The following NSUN2 variants were observed in gnomAD, a reference collection of about 807,000 sequenced individuals.
NSUN2 encodes the protein RNA cytosine C(5)-methyltransferase NSUN2.
A neutral mutation model predicts 92.7 loss-of-function variants in NSUN2; 63 were observed. That is an observed-to-expected ratio of 0.68 (90% CI 0.56 to 0.84). NSUN2 has a LOEUF of 0.84. NSUN2 is among the 40% of genes least tolerant of loss of function. The probability of loss-of-function intolerance (pLI) is 0.00; values close to 1 mark genes in which losing one functional copy is unlikely to be tolerated. For synonymous variants in NSUN2, 356 were observed against 348.3 expected (o/e 1.02, Z -0.25); for missense variants, 989 against 964.9 (o/e 1.02, Z -0.33).
chr5:6,621,958 T>G (rs537869618), intron 6 of NSUN2, 58 bp downstream of exon 6: 9 of 1,430,962 alleles, frequency 6.3e-6, no homozygotes, highest in Non-Finnish European at 8.9e-6. Flanking sequence ...GTCTTTTCCT[T>G]GTCTACAATC....
chr5:6,603,711 A>G (rs371119259), intron 17 of NSUN2, among the ~76,000 whole-genome samples: 1 of 152,112 alleles, frequency 6.6e-6, no homozygotes, highest in South Asian at 2.1e-4. Context: ...AGAAAAAAAC[A>G]AATTTGCTCA....
At chr5:6,607,803 T>C (rs720846) in intron 12 of NSUN2, among the ~76,000 whole-genome samples, 102,821 of 152,024 alleles carry the variant, frequency 0.68, 34,917 homozygotes, top group Middle Eastern at 0.74. Flanking sequence ...AAGGAGGGTA[T>C]GAATTGTTCT....
intron 3 of NSUN2, among the ~76,000 whole-genome samples, chr5:6,630,542 A>G (rs1737836505): frequency 6.6e-6 from 1 of 152,172 alleles, no homozygotes; most frequent in Admixed American, 6.5e-5. Flanking sequence ...CCAGCAACAC[A>G]TTCCATGATG....
chr5:6,632,826 C>T lies in NSUN2; in HGVS notation c.96+58G>A. ...CCCCTCGCCGCCGCCTCGCAGGCCT[C>T]GGGGTCCGGGAAGCCCAGGAGGAGC... On this transcript the variant is annotated intron_variant, in intron 1 of 18. Coordinates refer to ENST00000264670, the MANE Select transcript of NSUN2 (RefSeq NM_017755.6). The T allele has an allele frequency of 2.6e-6, 4 of 1,561,936 alleles. No homozygotes were observed. In the South Asian group the frequency reaches 4.6e-5, roughly 18 times the overall value.
intron 3 of NSUN2, among the ~76,000 whole-genome samples, chr5:6,629,472 T>C (rs1737782271): frequency 6.6e-6 from 1 of 152,240 alleles, no homozygotes; most frequent in South Asian, 2.1e-4. Flanking sequence ...AGACACATGC[T>C]GAAACGTTCC....
At chr5:6,615,678 C>T (rs1234196764) in intron 9 of NSUN2, among the ~76,000 whole-genome samples, 2 of 152,224 alleles carry the variant, frequency 1.3e-5, no homozygotes, top group East Asian at 1.9e-4. Flanking sequence ...GGGAGCCTCA[C>T]TGGAAGGACA....
At chr5:6,602,843 ACTCCCAGAATGG>A (rs1736611805) in intron 17 of NSUN2, among the ~76,000 whole-genome samples, 1 of 152,218 alleles carries the variant, frequency 6.6e-6, no homozygotes, top group Non-Finnish European at 1.5e-5. Context: ...TATAACACCA[ACTCCCAGAATGG>A]CATGAAATAC....
chr5:6,615,091 C>G (rs1737154458), intron 9 of NSUN2, among the ~76,000 whole-genome samples: 1 of 151,906 alleles, frequency 6.6e-6, no homozygotes, highest in African/African-American at 2.4e-5. Context: ...CCACTCACCC[C>G]AAGTCAAGAA....
At chr5:6,619,302 ACT>A (rs534292658) in intron 7 of NSUN2, among the ~76,000 whole-genome samples, 157 of 152,332 alleles carry the variant, frequency 1.0e-3, no homozygotes, top group African/African-American at 3.5e-3. Context: ...ATGAGCAGTA[ACT>A]CTGCCACTTA....
At chr5:6,618,053 G>A (rs771100703) in intron 7 of NSUN2, 29 bp from the exon 8 acceptor site, 1 of 1,520,760 alleles carries the variant, frequency 6.6e-7, no homozygotes, top group South Asian at 1.1e-5. Flanking sequence ...TGAGTGCAAA[G>A]CTCCCTACAG....
rs564014439 is a variant in NSUN2, at chr5:6,599,786, A to G, written c.*140T>C. The G allele has an allele frequency of 4.2e-4, 306 of 727,334 alleles. 3 individuals are homozygous for G. The highest frequency in any genetic ancestry group is 3.6e-3 in the South Asian group (211 of 58,212). The allele number at this position is 727,334 out of a possible 1,614,324, so 45.1% of individuals were successfully genotyped here. On this transcript the variant is annotated 3_prime_UTR_variant, in exon 19 of 19. Transcript: ENST00000264670. ...AGTCCTGGTCATTCAGAAGGCTCCT[A>G]TGATCCCACCAGTCTGCAGTCATTA...
At chr5:6,619,638 G>A (rs1011681078) in intron 7 of NSUN2, among the ~76,000 whole-genome samples, 33 of 152,038 alleles carry the variant, frequency 2.2e-4, no homozygotes, top group African/African-American at 7.5e-4. Context: ...ATTTCTTAAG[G>A]GCTTGAACTC....
At chr5:6,602,524 T>C (rs1736599889) in intron 17 of NSUN2, 24 bp from the exon 18 acceptor site, 2 of 1,613,850 alleles carry the variant, frequency 1.2e-6, no homozygotes, top group Non-Finnish European at 1.7e-6. Flanking sequence ...AGACACACAT[T>C]TGCCAGGTTT....
chr5:6,620,449 G>A (rs1737390284), intron 6 of NSUN2, 151 bp from the exon 7 acceptor site: 2 of 537,710 alleles, frequency 3.7e-6, no homozygotes, highest in African/African-American at 1.9e-5. Flanking sequence ...ACGTTAAGTG[G>A]TTCAAAAAAA....
At chr5:6,628,259 G>C (rs1737732297) in intron 3 of NSUN2, among the ~76,000 whole-genome samples, 1 of 152,106 alleles carries the variant, frequency 6.6e-6, no homozygotes, top group Non-Finnish European at 1.5e-5. Context: ...GAGGTGGGAG[G>C]ATCACCTGAG....
intron 18 of NSUN2, 45 bp downstream of exon 18, chr5:6,602,416 A>T: frequency 6.3e-7 from 1 of 1,588,306 alleles, no homozygotes; most frequent in Non-Finnish European, 8.6e-7. Context: ...ACTGTAGCTA[A>T]TGACAAGGCG....
chr5:6,600,646 T>G (rs1736513669), intron 18 of NSUN2, among the ~76,000 whole-genome samples: 1 of 152,194 alleles, frequency 6.6e-6, no homozygotes, highest in Non-Finnish European at 1.5e-5. Context: ...CTGAAGCTCC[T>G]GAGAGGCTGG....
At chr5:6,606,536 C>T (rs1038324313) in intron 14 of NSUN2, among the ~76,000 whole-genome samples, 11 of 152,238 alleles carry the variant, frequency 7.2e-5, no homozygotes, top group Admixed American at 3.9e-4. Flanking sequence ...CCGCCCGTCT[C>T]GGCCTCCCAA....
chr5:6,607,261 C>G lies in NSUN2; in HGVS notation c.1447G>C (p.Glu483Gln). Reference protein sequence around the residue: ...SPSFTGTGDTEIAHATEDLEN... With the variant: ...SPSFTGTGDTQIAHATEDLEN... ...AAATCCTCAGTTGCATGAGCTATTT[C>G]TGTGTCACCAGTTCCTGTGAATGAC... is the stretch of plus-strand genomic sequence containing the variant. The change falls in exon 13 of 19, where the codon GAA becomes CAA. Residue 483 changes from glutamate to glutamine, a missense_variant. Glu to Gln is a conservative substitution (Grantham distance 29). Around this residue, in one of 3 missense-constraint regions of NSUN2, gnomAD observed 626 missense variants for 602.3 expected, o/e 1.04. Transcript: ENST00000264670. The G allele has an allele frequency of 6.2e-7, 1 of 1,614,234 alleles. No individual in the cohort carries two copies. Among genetic ancestry groups the G allele is most frequent in the Non-Finnish European group, 8.5e-7 (1 of 1,180,044 alleles).
Sources: allele counts gnomAD v4.1 joint callset (sites outside exome capture counted in the v4.1 genomes callset), GRCh38; gene constraint gnomAD v4.1.1; regional missense constraint gnomAD v4.1.1; transcripts MANE v1.5; gene names NCBI Gene and HGNC (gene_info 2026-07-23, HGNC 2026-07-21).